ATXN1: variants seen among roughly 807,000 people sequenced by gnomAD.
The protein encoded by ATXN1 is ataxin-1.
Under a neutral mutation model 56.4 loss-of-function variants are expected in ATXN1, and 8 were observed. That is an observed-to-expected ratio of 0.14 (90% confidence interval 0.08 to 0.26). The LOEUF (loss-of-function observed/expected upper bound fraction) is 0.26, where lower values mean the gene tolerates loss of function less well. ATXN1 is among the 10% of genes least tolerant of loss of function. The pLI, the probability that ATXN1 is intolerant of heterozygous loss-of-function variation, is 1.00. For synonymous variants in ATXN1, 514 were observed against 494.6 expected (o/e 1.04, Z -0.52); for missense variants, 987 against 1,106.5 (o/e 0.89, Z 1.53).
At chr6:16,360,057 AACCT>A (rs758072448) in intron 6 of ATXN1, among the ~76,000 whole-genome samples, 3 of 152,178 alleles carry the variant, frequency 2.0e-5, no homozygotes, top group Non-Finnish European at 2.9e-5. Context: ...GTTCCCCCAA[AACCT>A]ATGGACGTAA....
chr6:16,390,680 TCACACAC>T (rs1758335110), intron 6 of ATXN1, among the ~76,000 whole-genome samples: 2 of 147,158 alleles, frequency 1.4e-5, no homozygotes, highest in African/African-American at 2.5e-5. Context: ...AATAAACACA[TCACACAC>T]ACACACACAC....
intron 6 of ATXN1, among the ~76,000 whole-genome samples, chr6:16,333,986 C>T (rs1761053755): frequency 6.6e-6 from 1 of 152,036 alleles, no homozygotes; most frequent in Non-Finnish European, 1.5e-5. Context: ...CAGGCATGCC[C>T]CCAAAGTGGA....
In ATXN1 at chr6:16,595,231, G is replaced by A. The variant is rs1000056454; in HGVS notation, c.-488-9324C>T. On this transcript the variant is annotated intron_variant, in intron 3 of 7. Transcript: ENST00000436367. ...GCTTTTATTTTAAAATAGCAAAATC[G>A]AAAAACTTTGTAATTAGATTTTGCC... Among the ~76,000 whole-genome samples, 7 of 152,142 alleles carry A rather than the reference G, an allele frequency of 4.6e-5. No homozygotes were observed. In the East Asian group the frequency reaches 5.8e-4, roughly 13 times the overall value.
At chr6:16,419,544 G>C (rs1249602297) in intron 6 of ATXN1, among the ~76,000 whole-genome samples, 1 of 152,080 alleles carries the variant, frequency 6.6e-6, no homozygotes, top group African/African-American at 2.4e-5. Flanking sequence ...TCCAGGGTGG[G>C]TATGGCAGTG....
chr6:16,369,327 C>T (rs1178851263), intron 6 of ATXN1, among the ~76,000 whole-genome samples: 1 of 152,210 alleles, frequency 6.6e-6, no homozygotes, highest in Non-Finnish European at 1.5e-5. Context: ...CGATATCCAA[C>T]AGAGGTTCTT....
At chr6:16,712,669 G>C (rs1409314452) in intron 2 of ATXN1, among the ~76,000 whole-genome samples, 1 of 151,438 alleles carries the variant, frequency 6.6e-6, no homozygotes, top group East Asian at 1.9e-4. Context: ...AGCTAGGGGA[G>C]GGAACTGAGT....
chr6:16,364,122 A>C (rs1248203551), intron 6 of ATXN1, among the ~76,000 whole-genome samples: 1 of 152,154 alleles, frequency 6.6e-6, no homozygotes, highest in Non-Finnish European at 1.5e-5. Context: ...ACCCTGAATG[A>C]TGCCTTAAGG....
chr6:16,681,214 G>A (rs868362895), intron 2 of ATXN1, among the ~76,000 whole-genome samples: 4 of 152,218 alleles, frequency 2.6e-5, no homozygotes, highest in Non-Finnish European at 1.5e-5. Flanking sequence ...GTGCCACTGA[G>A]GACAAGGGAA....
chr6:16,300,329 C>T lies in ATXN1; in HGVS notation c.*6000G>A, dbSNP rs1274655470. The T allele has an allele frequency of 6.6e-6, 1 of 152,622 alleles. No individual in the cohort carries two copies. Among genetic ancestry groups the T allele is most frequent in the East Asian group, 1.9e-4 (1 of 5,200 alleles). The allele number at this position is 152,622 out of a possible 1,614,324, so 9.5% of individuals were successfully genotyped here. A position where few individuals can be genotyped will look rare whatever the true frequency, so the allele number is the denominator to read the frequency against. ...ACAGTTGAACCATTTGTATGCAAGTCATGGGGACATGAAAAACTGAAGCCG... is the reference window on the plus strand; with the variant it reads ...ACAGTTGAACCATTTGTATGCAAGTTATGGGGACATGAAAAACTGAAGCCG... On this transcript the variant is annotated 3_prime_UTR_variant, in exon 8 of 8. Coordinates refer to ENST00000436367, the MANE Select transcript of ATXN1 (RefSeq NM_001128164.2).
intron 6 of ATXN1, among the ~76,000 whole-genome samples, chr6:16,437,241 T>TGCTACTTTCC (rs1423157200): frequency 6.6e-6 from 1 of 152,242 alleles, no homozygotes; most frequent in Non-Finnish European, 1.5e-5. Context: ...AACCAGAGGC[T>TGCTACTTTCC]GCTACTTTCC....
rs554157713 is a variant in ATXN1, at chr6:16,485,984, G to C, written c.-173C>G. On this transcript the variant is annotated 5_prime_UTR_variant, in exon 6 of 8. Transcript: ENST00000436367. Reference sequence around the variant, plus strand: ...GTTGTTAACTTACAACATTCACTGCGTACTGTTCACAGGTAGCCTCAGCCT... The same window carrying C: ...GTTGTTAACTTACAACATTCACTGCCTACTGTTCACAGGTAGCCTCAGCCT... 2 of 152,110 alleles carry C rather than the reference G, an allele frequency of 1.3e-5. No homozygotes were observed. Among genetic ancestry groups the C allele is most frequent in the Non-Finnish European group, 2.9e-5 (2 of 68,034 alleles). The allele number at this position is 152,110 out of a possible 1,614,324, so 9.4% of individuals were successfully genotyped here. A position where few individuals can be genotyped will look rare whatever the true frequency, so the allele number is the denominator to read the frequency against.
rs9396672 is a variant in ATXN1, at chr6:16,433,832, G to A, written c.-161+52140C>T. The stretch of plus-strand genomic sequence containing the variant: ...GCAGCTCCGCCCAGGAGTTCCTGCC[G>A]GAGCTCAGGCGAGCCACGGATCGGC... On this transcript the variant is annotated intron_variant, in intron 6 of 7. Transcript: ENST00000436367. Among the ~76,000 whole-genome samples, 111 of 152,294 alleles carry A rather than the reference G, an allele frequency of 7.3e-4. No homozygotes were observed. In the East Asian group the frequency reaches 0.015, roughly 21 times the overall value.
At chr6:16,416,701 A>G (rs891413355) in intron 6 of ATXN1, among the ~76,000 whole-genome samples, 6 of 152,208 alleles carry the variant, frequency 3.9e-5, no homozygotes, top group African/African-American at 1.4e-4. Flanking sequence ...ACTGTATCCA[A>G]TACCTCTGAC....
rs190758536 is a variant in ATXN1 at position 16,388,132 on chromosome 6, C to T, written c.-160-59662G>A. 1.5e-4 allele frequency among the ~76,000 whole-genome samples: 23 copies of T among 152,220 alleles called. No homozygotes were observed. In the East Asian group the frequency reaches 2.1e-3, roughly 14 times the overall value. ...TATGCACAGGGGAGTGTGAAGATCC[C>T]GAGAAGCCGGGGCAGAGCCTTGACC... On this transcript the variant is annotated intron_variant, in intron 6 of 7. Coordinates refer to ENST00000436367, the MANE Select transcript of ATXN1 (RefSeq NM_001128164.2).
chr6:16,320,058 C>T (rs934111311), intron 7 of ATXN1, among the ~76,000 whole-genome samples: 1 of 152,140 alleles, frequency 6.6e-6, no homozygotes, highest in African/African-American at 2.4e-5. Context: ...TCATCGCCAC[C>T]AAGCTCGGCA....
intron 2 of ATXN1, among the ~76,000 whole-genome samples, chr6:16,681,556 G>T (rs1581360522): frequency 6.6e-6 from 1 of 152,264 alleles, no homozygotes; most frequent in African/African-American, 2.4e-5. Context: ...TAATGCATGG[G>T]ATTTGTGGGA....
intron 6 of ATXN1, among the ~76,000 whole-genome samples, chr6:16,371,869 A>T (rs1051321020): frequency 3.9e-5 from 6 of 152,038 alleles, no homozygotes; most frequent in South Asian, 2.1e-4. Context: ...ATGAGCCACC[A>T]TGCCCAGCCC....
At chr6:16,356,010 C>G (rs1230582078) in intron 6 of ATXN1, among the ~76,000 whole-genome samples, 1 of 152,256 alleles carries the variant, frequency 6.6e-6, no homozygotes, top group African/African-American at 2.4e-5. Context: ...CTCGTTCCTT[C>G]CCCGCGACCA....
chr6:16,445,457 G>A (rs904287867), intron 6 of ATXN1, among the ~76,000 whole-genome samples: 1 of 151,958 alleles, frequency 6.6e-6, no homozygotes. Context: ...TGGGGTGGTG[G>A]GGCAAAAGCG....
Sources: gnomAD v4.1 joint callset for allele counts (sites outside exome capture counted in the v4.1 genomes callset) on GRCh38, gnomAD v4.1.1 for gene constraint, MANE v1.5 for transcripts, NCBI Gene and HGNC (gene_info 2026-07-23, HGNC 2026-07-21) for gene names.